ZC3H14: variants seen among roughly 807,000 people sequenced by gnomAD.
The protein encoded by ZC3H14 is zinc finger CCCH-type containing 14.
ZC3H14 carries 31 observed loss-of-function variants against 92.4 expected under a neutral mutation model. That is an observed-to-expected ratio of 0.34 (90% CI 0.25 to 0.45). The LOEUF is 0.45. ZC3H14 is among the 20% of genes least tolerant of loss of function. The pLI is 1.00. For missense variants in ZC3H14, 781 were observed against 897.3 expected, an observed-to-expected ratio of 0.87 and a Z score of 1.66; for synonymous variants, 321 against 300.9, an observed-to-expected ratio of 1.07 and a Z score of -0.69.
At chr14:88,591,562 C>T (rs572975443) in intron 9 of ZC3H14, 1 of 152,232 alleles carries the variant, frequency 6.6e-6, no homozygotes, top group African/African-American at 2.4e-5. Context: ...ATGCTTGATA[C>T]ATTGTGTTGG....
chr14:88,626,558 A>G lies in ZC3H14; in HGVS notation c.*14807A>G, dbSNP rs558659003. The stretch of plus-strand genomic sequence containing the variant: ...CTTGAACCTGGGAGATGGAGGCTAC[A>G]GTGAGCTATAATCGCACCATTGCAC... On this transcript the variant is annotated 3_prime_UTR_variant, in exon 17 of 17. Coordinates refer to ENST00000251038, the MANE Select transcript of ZC3H14 (RefSeq NM_024824.5). 2.0e-4 allele frequency: 72 copies of G among 369,012 alleles called. No homozygotes were observed. Among genetic ancestry groups the G allele is most frequent in the Middle Eastern group, 8.2e-4 (1 of 1,216 alleles). 22.9% of individuals were successfully genotyped at this position (369,012 alleles called of 1,614,324 possible). A position where few individuals can be genotyped will look rare whatever the true frequency, so the allele number is the denominator to read the frequency against.
At chr14:88,575,967 TTGG>T (rs745680584) in intron 8 of ZC3H14, 27 bp downstream of exon 8, 29 of 1,539,754 alleles carry the variant, frequency 1.9e-5, no homozygotes, top group Non-Finnish European at 2.6e-5. Flanking sequence ...ATGTTTACAC[TTGG>T]TAAGACATTT....
At chr14:88,590,002 TG>T (rs2082919437) in intron 9 of ZC3H14, 1 of 152,290 alleles carries the variant, frequency 6.6e-6, no homozygotes, top group Non-Finnish European at 1.5e-5. Context: ...TGATGGCACA[TG>T]CCTGTAGTCC....
rs2140375777 is a variant in ZC3H14, at chr14:88,625,079, T to C, written c.*13328T>C. 1.2e-6 allele frequency: 2 copies of C among 1,613,944 alleles called. No individual in the cohort carries two copies. The highest frequency in any genetic ancestry group is 1.1e-5 in the South Asian group (1 of 91,078). On this transcript the variant is annotated 3_prime_UTR_variant, in exon 17 of 17. Transcript: ENST00000251038. ...ACGATTCTACACAATATGTGATCTTTCCACACACAGACATCACCACTGATG... is the reference window on the plus strand; with the variant it reads ...ACGATTCTACACAATATGTGATCTTCCCACACACAGACATCACCACTGATG...
chr14:88,568,007 CAA>C (rs1350880010), intron 2 of ZC3H14, 30 bp from the exon 3 acceptor site: 1 of 1,586,198 alleles, frequency 6.3e-7, no homozygotes, highest in Non-Finnish European at 8.6e-7. Context: ...TTTGAGGAAA[CAA>C]AGTTTTGATC....
Position 88,574,695 on chromosome 14 carries a change from T to C in ZC3H14, c.864T>C (p.Asp288=). The change falls in exon 7 of 17, where the codon GAT becomes GAC. Residue 288 remains aspartate, a splice_region_variant and synonymous_variant. Coordinates refer to ENST00000251038, the MANE Select transcript of ZC3H14 (RefSeq NM_024824.5). ...GCATAAATTTTATCTGATTGCAGGA[T>C]GAAAACTTTCGGAAGAGAAAGTTGC... ...RNNSEKMSME[D]ENFRKRKLPV... 6.2e-7 allele frequency: 1 copy of C among 1,614,104 alleles called. No homozygotes were observed. The highest frequency in any genetic ancestry group is 8.5e-7 in the Non-Finnish European group (1 of 1,179,972).
intron 9 of ZC3H14, among the ~76,000 whole-genome samples, chr14:88,583,237 TCCTC>T (rs1305849565): frequency 1.3e-5 from 2 of 151,762 alleles, no homozygotes; most frequent in Non-Finnish European, 2.9e-5. Context: ...GCTCAAATGA[TCCTC>T]CCACCTCAGG....
chr14:88,596,088 A>C (rs943103446), intron 9 of ZC3H14, among the ~76,000 whole-genome samples: 2 of 152,204 alleles, frequency 1.3e-5, no homozygotes, highest in African/African-American at 4.8e-5. Flanking sequence ...TAGTGAACCT[A>C]ATAGGAATTA....
chr14:88,572,358 G>C (rs1229125395), intron 5 of ZC3H14, 133 bp downstream of exon 5: 3 of 1,147,208 alleles, frequency 2.6e-6, no homozygotes, highest in Non-Finnish European at 3.7e-6. Context: ...GTAGTTTTTT[G>C]AATAAAATAA....
rs1423748588 is a variant in ZC3H14, at chr14:88,575,947, T to C, written c.1123+7T>C. The C allele has an allele frequency of 6.3e-7, 1 of 1,587,630 alleles. No homozygotes were observed. The highest frequency in any genetic ancestry group is 1.1e-5 in the South Asian group (1 of 90,516). On this transcript the variant is annotated splice_region_variant and intron_variant, in intron 8 of 16. Coordinates refer to ENST00000251038, the MANE Select transcript of ZC3H14 (RefSeq NM_024824.5). ...ACAACTAACTACTCTACAGGTAATT[T>C]AAATGTATTATGTTTACACTTGGTA...
At chr14:88,573,852 G>A (rs918374569) in intron 6 of ZC3H14, 2 of 152,242 alleles carry the variant, frequency 1.3e-5, no homozygotes, top group Admixed American at 6.5e-5. Flanking sequence ...CCTGACCTCA[G>A]GTGATCTGCC....
intron 9 of ZC3H14, among the ~76,000 whole-genome samples, chr14:88,578,591 C>T (rs2081465732): frequency 6.6e-6 from 1 of 152,104 alleles, no homozygotes; most frequent in Non-Finnish European, 1.5e-5. Flanking sequence ...ATAGCTCCTT[C>T]TTAAAGATAT....
chr14:88,618,195 C>T lies in ZC3H14; in HGVS notation c.*6444C>T, dbSNP rs1348323221. 1.3e-6 allele frequency: 2 copies of T among 1,583,986 alleles called. No homozygotes were observed. Among genetic ancestry groups the T allele is most frequent in the East Asian group, 2.2e-5 (1 of 44,652 alleles). ...GGATTTTCTAACTGGCCTTCAAAGT[C>T]AGTTCTTGCCTTGTGAATATATAAG... On this transcript the variant is annotated 3_prime_UTR_variant, in exon 17 of 17. Coordinates refer to ENST00000251038, the MANE Select transcript of ZC3H14 (RefSeq NM_024824.5).
chr14:88,563,111 G>C lies in ZC3H14; in HGVS notation c.-23G>C. The C allele has an allele frequency of 6.3e-7, 1 of 1,582,324 alleles. No homozygotes were observed. The highest frequency in any genetic ancestry group is 8.6e-7 in the Non-Finnish European group (1 of 1,169,332). ...GGTAAGCCAAGCGCCGCGCAGTGCT[G>C]AGTTCCCGCACGCCGCAGAGCCATG... On this transcript the variant is annotated 5_prime_UTR_variant, in exon 1 of 17. Coordinates refer to ENST00000251038, the MANE Select transcript of ZC3H14 (RefSeq NM_024824.5).
chr14:88,577,471 G>A (rs563221250), intron 8 of ZC3H14, among the ~76,000 whole-genome samples: 1 of 152,276 alleles, frequency 6.6e-6, no homozygotes, highest in South Asian at 2.1e-4. Context: ...GTTTACATAT[G>A]TTTGGATAAA....
In ZC3H14 at chr14:88,625,021, A is replaced by G. The variant is rs1255701864; in HGVS notation, c.*13270A>G. On this transcript the variant is annotated 3_prime_UTR_variant, in exon 17 of 17. Transcript: ENST00000251038. ...AAGTCCATCTCGCAGGGTGGTGTAC[A>G]TGGCAAACACAGGCCCGTTGTGAGC... The G allele has an allele frequency of 6.2e-7, 1 of 1,613,626 alleles. No individual in the cohort carries two copies. Among genetic ancestry groups the G allele is most frequent in the Non-Finnish European group, 8.5e-7 (1 of 1,179,724 alleles).
intron 12 of ZC3H14, 70 bp from the exon 13 acceptor site, chr14:88,607,173 T>TA: frequency 1.2e-6 from 2 of 1,609,956 alleles, no homozygotes; most frequent in Non-Finnish European, 8.5e-7. Flanking sequence ...TTGAGGGAAA[T>TA]ATGTTAAAGG....
At chr14:88,575,104 T>G (rs12586956) in intron 7 of ZC3H14, among the ~76,000 whole-genome samples, 35,869 of 151,956 alleles carry the variant, frequency 0.24, 4,721 homozygotes, top group East Asian at 0.52. Context: ...GACCAGCTAA[T>G]TTTTGTATTT....
rs1304028352 is a variant in ZC3H14 at position 88,613,822 on chromosome 14, T to C, written c.*2071T>C. ...TAGATACTGCACACAAAAATAATTA[T>C]CTGGGTTAAAAAAGTAAACATAGGG... On this transcript the variant is annotated 3_prime_UTR_variant, in exon 17 of 17. Transcript: ENST00000251038. 6.6e-6 allele frequency: 1 copy of C among 152,176 alleles called. No homozygotes were observed. The highest frequency in any genetic ancestry group is 1.5e-5 in the Non-Finnish European group (1 of 68,008). The allele number at this position is 152,176 out of a possible 1,614,324, so 9.4% of individuals were successfully genotyped here. A position where few individuals can be genotyped will look rare whatever the true frequency, so the allele number is the denominator to read the frequency against.
Sources: allele counts gnomAD v4.1 joint callset (sites outside exome capture counted in the v4.1 genomes callset), GRCh38; gene constraint gnomAD v4.1.1; transcripts MANE v1.5; gene names NCBI Gene and HGNC (gene_info 2026-07-23, HGNC 2026-07-21).